Variants in EYA4 observed in about 807,000 individuals in gnomAD.
The protein encoded by EYA4 is EYA transcriptional coactivator and phosphatase 4.
EYA4 carries 31 observed loss-of-function variants against 87.9 expected under a neutral mutation model. The ratio of observed to expected loss-of-function variants is 0.35; its 90% CI spans 0.27 to 0.48. The LOEUF (loss-of-function observed/expected upper bound fraction) is 0.48, where lower values mean the gene tolerates loss of function less well. Ranked by LOEUF, EYA4 falls within the 20% of genes least tolerant of loss-of-function variation. The pLI is 0.99. For synonymous variants in EYA4, 263 were observed against 270.6 expected, an observed-to-expected ratio of 0.97 and a Z score of 0.28; for missense variants, 678 against 761.4, an observed-to-expected ratio of 0.89 and a Z score of 1.29.
rs1583114432 is a variant in EYA4 at position 133,380,030 on chromosome 6, C to CT, written c.34-2361dup. On this transcript the variant is annotated intron_variant, in intron 2 of 19. Coordinates refer to ENST00000355286, the MANE Select transcript of EYA4 (RefSeq NM_004100.5). Reference sequence around the variant, plus strand: ...ACCTACTATTTCCCACATACAGTCTCTGAAGACTCAATTCAGAACTTACTT... The same window carrying CT: ...ACCTACTATTTCCCACATACAGTCTCTTGAAGACTCAATTCAGAACTTACTT... 2.6e-5 allele frequency among the ~76,000 whole-genome samples: 4 copies of CT among 152,296 alleles called. 1 individual carries two copies. The East Asian group carries it at 7.7e-4, about 29-fold the overall frequency.
intron 2 of EYA4, among the ~76,000 whole-genome samples, chr6:133,328,699 A>G (rs1240515793): frequency 7.6e-6 from 1 of 132,066 alleles, no homozygotes; most frequent in Non-Finnish European, 1.8e-5. Flanking sequence ...AGACAAATAG[A>G]TACAAACAAA....
At chr6:133,456,449 T>A (rs921006327) in intron 5 of EYA4, 107 bp from the exon 6 acceptor site, 228 of 824,094 alleles carry the variant, frequency 2.8e-4, no homozygotes, top group Admixed American at 9.4e-4. Flanking sequence ...ACTTCTCAGG[T>A]TTTCTCTTGC....
At chr6:133,347,825 A>T (rs933414773) in intron 2 of EYA4, among the ~76,000 whole-genome samples, 4 of 152,222 alleles carry the variant, frequency 2.6e-5, no homozygotes, top group Non-Finnish European at 5.9e-5. Flanking sequence ...TAGATACTGC[A>T]TGTTTCAAAC....
chr6:133,245,527 A>G (rs1356992612), intron 1 of EYA4, among the ~76,000 whole-genome samples: 1 of 152,192 alleles, frequency 6.6e-6, no homozygotes, highest in Non-Finnish European at 1.5e-5. Flanking sequence ...TTACTAGGTG[A>G]AGGAAATCAA....
Position 133,529,294 on chromosome 6 carries a change from T to C in EYA4, c.*489T>C, listed in dbSNP as rs538512265. ...TATTTAGACATGTAATTTGTGTAAA[T>C]TATTGATGAAAATAATTTACTGTGA... On this transcript the variant is annotated 3_prime_UTR_variant, in exon 20 of 20. Transcript: ENST00000355286. The C allele has an allele frequency of 7.1e-6, 7 of 990,190 alleles. No homozygotes were observed. In the South Asian group the frequency reaches 1.8e-4, roughly 26 times the overall value. The allele number at this position is 990,190 out of a possible 1,614,324, so 61.3% of individuals were successfully genotyped here.
chr6:133,449,656 G>C (rs1793221083), intron 5 of EYA4, among the ~76,000 whole-genome samples: 1 of 152,180 alleles, frequency 6.6e-6, no homozygotes, highest in South Asian at 2.1e-4. Context: ...TAAGCTCTCT[G>C]AGCTTCAATT....
chr6:133,253,484 A>G (rs184841774), intron 1 of EYA4, among the ~76,000 whole-genome samples: 3 of 152,278 alleles, frequency 2.0e-5, no homozygotes, highest in Admixed American at 1.3e-4. Flanking sequence ...GATTCTTTGT[A>G]TAGTGGGTCC....
chr6:133,431,572 C>T (rs1485134394), intron 3 of EYA4, among the ~76,000 whole-genome samples: 1 of 152,172 alleles, frequency 6.6e-6, no homozygotes, highest in Non-Finnish European at 1.5e-5. Context: ...TGCAATCTTA[C>T]TCTTGTATTT....
At chr6:133,456,721 A>C in intron 6 of EYA4, 73 bp downstream of exon 6, 1 of 897,844 alleles carries the variant, frequency 1.1e-6, no homozygotes, top group Non-Finnish European at 1.9e-6. Context: ...GGGAATAAGC[A>C]ACATAAGCAT....
intron 2 of EYA4, among the ~76,000 whole-genome samples, chr6:133,343,322 T>C (rs1049336479): frequency 9.2e-5 from 14 of 152,200 alleles, no homozygotes; most frequent in Admixed American, 9.2e-4. Flanking sequence ...TGATTGTTGA[T>C]TTATTTCTTA....
intron 3 of EYA4, among the ~76,000 whole-genome samples, chr6:133,404,041 C>T (rs1261901460): frequency 6.6e-6 from 1 of 151,944 alleles, no homozygotes; most frequent in African/African-American, 2.4e-5. Context: ...CTCAAACTCC[C>T]GACCTCAGGT....
At chr6:133,325,647 C>T (rs892737103) in intron 2 of EYA4, among the ~76,000 whole-genome samples, 1 of 152,148 alleles carries the variant, frequency 6.6e-6, no homozygotes, top group African/African-American at 2.4e-5. Flanking sequence ...TCACTGTTTG[C>T]ATGCACTTTC....
intron 3 of EYA4, among the ~76,000 whole-genome samples, chr6:133,445,878 C>T (rs1792783320): frequency 6.6e-6 from 1 of 152,226 alleles, no homozygotes; most frequent in Non-Finnish European, 1.5e-5. Flanking sequence ...CCGCGCCCGG[C>T]CTCTAGTTTC....
At chr6:133,355,975 G>T (rs1377620523) in intron 2 of EYA4, among the ~76,000 whole-genome samples, 1 of 151,880 alleles carries the variant, frequency 6.6e-6, no homozygotes, top group East Asian at 1.9e-4. Flanking sequence ...CAAGGTGCCA[G>T]CATGATCAAT....
intron 2 of EYA4, among the ~76,000 whole-genome samples, chr6:133,285,421 A>G (rs1777975572): frequency 6.6e-6 from 1 of 152,178 alleles, no homozygotes; most frequent in African/African-American, 2.4e-5. Context: ...GGTTCAAGGA[A>G]TAGAAAGGAT....
At chr6:133,414,349 A>C (rs1789517259) in intron 3 of EYA4, among the ~76,000 whole-genome samples, 1 of 151,946 alleles carries the variant, frequency 6.6e-6, no homozygotes, top group Non-Finnish European at 1.5e-5. Context: ...TGACTCACAC[A>C]CTCCCAAGGT....
chr6:133,501,647 A>C (rs532411217), intron 13 of EYA4, among the ~76,000 whole-genome samples: 3 of 152,220 alleles, frequency 2.0e-5, no homozygotes, highest in Non-Finnish European at 4.4e-5. Context: ...TCTTTCTTCC[A>C]TGATGAACTT....
intron 3 of EYA4, among the ~76,000 whole-genome samples, chr6:133,414,774 G>T (rs61050180): frequency 0.032 from 4,810 of 152,198 alleles, 258 homozygotes; most frequent in East Asian, 0.22. Flanking sequence ...ATTTTATTTA[G>T]TTCTTTTTAG....
intron 2 of EYA4, among the ~76,000 whole-genome samples, chr6:133,348,664 C>T (rs1200906780): frequency 6.6e-6 from 1 of 152,126 alleles, no homozygotes; most frequent in Non-Finnish European, 1.5e-5. Flanking sequence ...TATCTCCAAC[C>T]TAGACCTCTT....
Sources: allele counts gnomAD v4.1 joint callset (sites outside exome capture counted in the v4.1 genomes callset), GRCh38; gene constraint gnomAD v4.1.1; transcripts MANE v1.5; gene names NCBI Gene and HGNC (gene_info 2026-07-23, HGNC 2026-07-21).